KCNJ3: variants seen among roughly 807,000 people sequenced by gnomAD.
The protein encoded by KCNJ3 is G protein-activated inward rectifier potassium channel 1.
KCNJ3 carries 4 observed loss-of-function variants against 39.2 expected under a neutral mutation model. The ratio of observed to expected loss-of-function variants is 0.10; its 90% CI spans 0.05 to 0.23. The LOEUF (loss-of-function observed/expected upper bound fraction) is 0.23, where lower values mean the gene tolerates loss of function less well. Among genes scored for constraint, KCNJ3 ranks in the 10% least tolerant of loss-of-function variants. The pLI, the probability that KCNJ3 is intolerant of heterozygous loss-of-function variation, is 1.00. For synonymous variants in KCNJ3, 230 were observed against 237.4 expected (o/e 0.97, Z 0.29); for missense variants, 276 against 634.9 (o/e 0.43, Z 6.08).
rs1684830176 is a variant in KCNJ3 at position 154,698,735 on chromosome 2, G to T, written c.-41G>T. 5 of 1,126,774 alleles carry T rather than the reference G, an allele frequency of 4.4e-6. No homozygotes were observed. The highest frequency in any genetic ancestry group is 6.3e-6 in the Non-Finnish European group (5 of 790,802). The allele number at this position is 1,126,774 out of a possible 1,614,324, so 69.8% of individuals were successfully genotyped here. On this transcript the variant is annotated 5_prime_UTR_variant, in exon 1 of 3. Coordinates refer to ENST00000295101, the MANE Select transcript of KCNJ3 (RefSeq NM_002239.4). The stretch of plus-strand genomic sequence containing the variant: ...CTAGTTTGCAGCGCCCAGCTCCTGC[G>T]CCTTCGCTTCGCGTTTGAATCTGGC...
intron 2 of KCNJ3, among the ~76,000 whole-genome samples, chr2:154,852,942 A>C (rs1356150762): frequency 6.6e-6 from 1 of 152,108 alleles, no homozygotes; most frequent in Non-Finnish European, 1.5e-5. Context: ...AAAATATTAG[A>C]GACATTACGG....
intron 1 of KCNJ3, among the ~76,000 whole-genome samples, chr2:154,701,890 T>A (rs1684903991): frequency 6.6e-6 from 1 of 152,024 alleles, no homozygotes. Flanking sequence ...TCAAAGTTAA[T>A]CTTTCCTGTA....
intron 2 of KCNJ3, among the ~76,000 whole-genome samples, chr2:154,851,019 G>A (rs1259622156): frequency 6.6e-6 from 1 of 152,064 alleles, no homozygotes; most frequent in Non-Finnish European, 1.5e-5. Context: ...GGAGGCTGAG[G>A]TGGGAGGATT....
At chr2:154,829,592 T>G (rs1312689164) in intron 2 of KCNJ3, among the ~76,000 whole-genome samples, 3 of 152,264 alleles carry the variant, frequency 2.0e-5, no homozygotes, top group Middle Eastern at 3.4e-3. Context: ...AATGAACATA[T>G]GTGTGCATGT....
chr2:154,804,278 T>C (rs950477978), intron 2 of KCNJ3, among the ~76,000 whole-genome samples: 2 of 152,082 alleles, frequency 1.3e-5, no homozygotes, highest in Non-Finnish European at 2.9e-5. Context: ...GTGTACAAAA[T>C]GTCTGTAAGA....
intron 1 of KCNJ3, among the ~76,000 whole-genome samples, chr2:154,704,575 CAT>C (rs1285493898): frequency 1.3e-5 from 2 of 152,116 alleles, no homozygotes; most frequent in African/African-American, 4.8e-5. Flanking sequence ...GACATTGGGT[CAT>C]AGTTTTTCCA....
At chr2:154,802,035 A>G (rs1484075795) in intron 2 of KCNJ3, among the ~76,000 whole-genome samples, 1 of 152,208 alleles carries the variant, frequency 6.6e-6, no homozygotes, top group Non-Finnish European at 1.5e-5. Context: ...TTGCATCTGT[A>G]GAACTACTGC....
chr2:154,855,164 T>G lies in KCNJ3; in HGVS notation c.1357T>G (p.Ser453Ala), dbSNP rs771634848. 2 of 1,613,900 alleles carry G rather than the reference T, an allele frequency of 1.2e-6. No individual in the cohort carries two copies. Among genetic ancestry groups the G allele is most frequent in the Non-Finnish European group, 1.7e-6 (2 of 1,179,950 alleles). ...VPGNSEEKLV[S>A]KTTKMLSDPM... ...GGGCAACTCAGAAGAAAAACTGGTA[T>G]CTAAAACCACCAAGATGTTATCTGA... The change falls in exon 3 of 3, where the codon TCT becomes GCT. Residue 453 changes from serine to alanine, a missense_variant. Physicochemically the swap from Ser to Ala is moderately conservative, Grantham distance 99. Around this residue, in one of 4 missense-constraint regions of KCNJ3, gnomAD observed 126 missense variants for 179.8 expected, o/e 0.70. Transcript: ENST00000295101.
rs747828471 is a variant in KCNJ3, at chr2:154,854,915, C to G, written c.1108C>G (p.Pro370Ala). 1.2e-6 allele frequency: 2 copies of G among 1,613,952 alleles called. No individual in the cohort carries two copies. The highest frequency in any genetic ancestry group is 1.7e-6 in the Non-Finnish European group (2 of 1,179,916). Residue 370 changes from proline (P) to alanine (A), a missense_variant, in exon 3 of 3, where the codon CCT (proline) becomes GCT (alanine). Coordinates refer to ENST00000295101, the MANE Select transcript of KCNJ3 (RefSeq NM_002239.4). ...GGAGGAAATGCTTCTCATGTCGTCC[C>G]CTTTAATAGCACCAGCCATAACTAA... is the stretch of plus-strand genomic sequence containing the variant. ...EQEEMLLMSS[P>A]LIAPAITNSK...
At chr2:154,739,657 T>C (rs899543555) in intron 2 of KCNJ3, among the ~76,000 whole-genome samples, 2 of 152,046 alleles carry the variant, frequency 1.3e-5, no homozygotes, top group African/African-American at 4.8e-5. Flanking sequence ...ATACTTCTTC[T>C]ATGCCCAGAG....
At chr2:154,816,306 C>T (rs1687082769) in intron 2 of KCNJ3, among the ~76,000 whole-genome samples, 1 of 152,086 alleles carries the variant, frequency 6.6e-6, no homozygotes, top group African/African-American at 2.4e-5. Context: ...AAAAGTTGCT[C>T]ATTTAAAAAT....
chr2:154,821,711 C>T (rs142216780), intron 2 of KCNJ3, among the ~76,000 whole-genome samples: 157 of 135,798 alleles, frequency 1.2e-3, no homozygotes, highest in Non-Finnish European at 1.9e-3. Context: ...GTGCGATCTC[C>T]GCTCACCGCA....
intron 2 of KCNJ3, among the ~76,000 whole-genome samples, chr2:154,832,382 G>A (rs1687379190): frequency 6.6e-6 from 1 of 152,154 alleles, no homozygotes; most frequent in African/African-American, 2.4e-5. Context: ...TGAATGTTTA[G>A]TTAATGTTCC....
chr2:154,807,142 C>A (rs757298194), intron 2 of KCNJ3, among the ~76,000 whole-genome samples: 2 of 152,164 alleles, frequency 1.3e-5, no homozygotes, highest in African/African-American at 2.4e-5. Flanking sequence ...TCAGTCATTT[C>A]TTCCTCCTGG....
At chr2:154,747,359 A>G (rs1459775821) in intron 2 of KCNJ3, among the ~76,000 whole-genome samples, 3 of 152,078 alleles carry the variant, frequency 2.0e-5, no homozygotes, top group Non-Finnish European at 4.4e-5. Flanking sequence ...GGGGAAATTG[A>G]AAAGGTTTAA....
chr2:154,717,101 T>C (rs1456706120), intron 2 of KCNJ3, among the ~76,000 whole-genome samples: 1 of 152,278 alleles, frequency 6.6e-6, no homozygotes, highest in African/African-American at 2.4e-5. Context: ...CCTGAGAACA[T>C]GGTGTGAACT....
At chr2:154,784,891 T>C (rs1451692275) in intron 2 of KCNJ3, among the ~76,000 whole-genome samples, 1 of 152,194 alleles carries the variant, frequency 6.6e-6, no homozygotes, top group African/African-American at 2.4e-5. Context: ...AGTACCTACC[T>C]TACAGAATCA....
intron 2 of KCNJ3, among the ~76,000 whole-genome samples, chr2:154,840,528 G>C (rs747051256): frequency 5.3e-5 from 8 of 152,166 alleles, no homozygotes; most frequent in Non-Finnish European, 8.8e-5. Flanking sequence ...ACTTTGGGCA[G>C]TATGGCCATT....
At chr2:154,828,771 G>A (rs898747985) in intron 2 of KCNJ3, among the ~76,000 whole-genome samples, 4 of 152,024 alleles carry the variant, frequency 2.6e-5, no homozygotes, top group East Asian at 1.9e-4. Context: ...GTAAAGTCTT[G>A]TATCTTTTCA....
Sources: allele counts gnomAD v4.1 joint callset (sites outside exome capture counted in the v4.1 genomes callset), GRCh38; gene constraint gnomAD v4.1.1; regional missense constraint gnomAD v4.1.1; transcripts MANE v1.5; gene names NCBI Gene and HGNC (gene_info 2026-07-23, HGNC 2026-07-21).